The following MB21D2 variants were observed in gnomAD, a reference collection of about 807,000 sequenced individuals.
MB21D2 encodes Mab-21 domain containing 2, also known as nucleotidyltransferase MB21D2.
A neutral mutation model predicts 33.3 loss-of-function variants in MB21D2; 9 were observed. The observed-to-expected ratio is 0.27, with a 90% CI of 0.16 to 0.47. MB21D2 has a LOEUF of 0.47. MB21D2 is among the 20% of genes least tolerant of loss of function. The pLI, the probability that MB21D2 is intolerant of heterozygous loss-of-function variation, is 0.99. For synonymous variants in MB21D2, 241 were observed against 236.3 expected, an observed-to-expected ratio of 1.02 and a Z score of -0.18; for missense variants, 540 against 624.6, an observed-to-expected ratio of 0.86 and a Z score of 1.44.
At position 192,839,853 on chromosome 3, in the gene MB21D2, T is replaced by C. The variant is rs531475207; in HGVS notation, c.212-40203A>G. ...TTTGAGAAAGTTCATTCTCAATTCT[T>C]TTTCAAATCCCTTTCTCATCTTTTC... On this transcript the variant is annotated intron_variant, in intron 1 of 1. Coordinates refer to ENST00000392452, the MANE Select transcript of MB21D2 (RefSeq NM_178496.4). Among the ~76,000 whole-genome samples, 8 of 152,294 alleles carry C rather than the reference T, an allele frequency of 5.3e-5. No individual in the cohort carries two copies. The South Asian group carries it at 1.4e-3, about 28-fold the overall frequency.
At chr3:192,820,593 A>G (rs1468916740) in intron 1 of MB21D2, among the ~76,000 whole-genome samples, 1 of 152,250 alleles carries the variant, frequency 6.6e-6, no homozygotes, top group Non-Finnish European at 1.5e-5. Context: ...TGCTGATGAA[A>G]GCGTCTGCGT....
chr3:192,914,273 T>C (rs959118507), intron 1 of MB21D2, among the ~76,000 whole-genome samples: 2 of 152,178 alleles, frequency 1.3e-5, no homozygotes, highest in Non-Finnish European at 2.9e-5. Flanking sequence ...CTCAAAAGTC[T>C]ATGTGAAGTT....
intron 1 of MB21D2, among the ~76,000 whole-genome samples, chr3:192,902,694 A>G (rs1276007807): frequency 2.0e-5 from 3 of 152,316 alleles, no homozygotes; most frequent in African/African-American, 7.2e-5. Context: ...TTTGAATCCT[A>G]TTACAACACC....
At chr3:192,892,723 G>A (rs1713877935) in intron 1 of MB21D2, among the ~76,000 whole-genome samples, 1 of 152,244 alleles carries the variant, frequency 6.6e-6, no homozygotes, top group Non-Finnish European at 1.5e-5. Context: ...GATTACAGAC[G>A]TGAGCCACCG....
chr3:192,831,318 A>AT (rs977537013), intron 1 of MB21D2, among the ~76,000 whole-genome samples: 40 of 152,262 alleles, frequency 2.6e-4, no homozygotes, highest in African/African-American at 7.9e-4. Flanking sequence ...ATTTTAGATG[A>AT]TTTCAGCCCT....
chr3:192,841,739 G>GAGT (rs1283356789), intron 1 of MB21D2, among the ~76,000 whole-genome samples: 1 of 152,368 alleles, frequency 6.6e-6, no homozygotes, highest in East Asian at 1.9e-4. Context: ...TTACAGTGTG[G>GAGT]AGTAATCTGT....
At chr3:192,905,037 G>C (rs556206905) in intron 1 of MB21D2, among the ~76,000 whole-genome samples, 7 of 152,220 alleles carry the variant, frequency 4.6e-5, no homozygotes, top group Non-Finnish European at 1.0e-4. Flanking sequence ...ACAGTTGAAA[G>C]AACAAACTGT....
chr3:192,804,796 T>C (rs953167159), intron 1 of MB21D2, among the ~76,000 whole-genome samples: 8 of 152,166 alleles, frequency 5.3e-5, no homozygotes, highest in African/African-American at 1.7e-4. Flanking sequence ...TATAAAACCT[T>C]CCTATAAAAA....
chr3:192,874,278 AG>A (rs1713382318), intron 1 of MB21D2, among the ~76,000 whole-genome samples: 2 of 152,226 alleles, frequency 1.3e-5, no homozygotes, highest in South Asian at 4.1e-4. Context: ...GTAAAAAAGA[AG>A]AAAAAGCATT....
Position 192,913,043 on chromosome 3 carries a change from T to C in MB21D2, c.211+4587A>G, listed in dbSNP as rs541894880. On this transcript the variant is annotated intron_variant, in intron 1 of 1. Transcript: ENST00000392452. ...CACATGGTATGAGCCAAAATCCTCC[T>C]GGGCTACCCTAATTGTACTGCATAG... Among the ~76,000 whole-genome samples the C allele has an allele frequency of 2.0e-5, 3 of 152,346 alleles. No individual in the cohort carries two copies. In the East Asian group the frequency reaches 5.8e-4, roughly 29 times the overall value.
At chr3:192,899,822 T>TGTGTGGTAGTGTGGCTGACTGAGCTCAC (rs1714055315) in intron 1 of MB21D2, among the ~76,000 whole-genome samples, 1 of 58,718 alleles carries the variant, frequency 1.7e-5, no homozygotes, top group Non-Finnish European at 3.8e-5. Context: ...GGGCACCTCG[T>TGTGTGGTAGTGTGGCTGACTGAGCTCAC]GTGTGGTAGT....
chr3:192,900,833 C>T (rs1714082935), intron 1 of MB21D2, among the ~76,000 whole-genome samples: 1 of 151,526 alleles, frequency 6.6e-6, no homozygotes. Flanking sequence ...CCCACCTACT[C>T]GGGAGGCTGA....
intron 1 of MB21D2, among the ~76,000 whole-genome samples, chr3:192,869,312 G>C (rs1018193087): frequency 6.3e-5 from 9 of 142,388 alleles, no homozygotes; most frequent in Non-Finnish European, 1.1e-4. Context: ...GAGGGAAGGA[G>C]GGAAGGAGGG....
rs113537307 is a variant in MB21D2 at position 192,882,132 on chromosome 3, A to AT, written c.211+35497dup. On this transcript the variant is annotated intron_variant, in intron 1 of 1. Coordinates refer to ENST00000392452, the MANE Select transcript of MB21D2 (RefSeq NM_178496.4). ...CTTGGCACAAAACTGACATTTAGTA[A>AT]TTTTTTTTTTTAGACGGAGTTTCAC... Among the ~76,000 whole-genome samples, 227 of 148,894 alleles carry AT rather than the reference A, an allele frequency of 1.5e-3. 2 individuals carry two copies. The South Asian group carries it at 0.019, about 12-fold the overall frequency.
In MB21D2 at chr3:192,882,199, C is replaced by T. The variant is rs560674618; in HGVS notation, c.211+35431G>A. On this transcript the variant is annotated intron_variant, in intron 1 of 1. Coordinates refer to ENST00000392452, the MANE Select transcript of MB21D2 (RefSeq NM_178496.4). ...AGAGTGCAATGGCACAATCTTGGCT[C>T]ACTGCAACCTCCACCTCCTGGGTTC... 5.3e-5 allele frequency among the ~76,000 whole-genome samples: 8 copies of T among 152,102 alleles called. No homozygotes were observed. In the East Asian group the frequency reaches 1.6e-3, roughly 30 times the overall value.
At chr3:192,907,891 C>T (rs9870004) in intron 1 of MB21D2, among the ~76,000 whole-genome samples, 59,360 of 151,640 alleles carry the variant, frequency 0.39, 13,911 homozygotes, top group Non-Finnish European at 0.52. Flanking sequence ...GCCAGAGGTC[C>T]GGAAGTACCC....
chr3:192,854,499 G>A (rs879565671), intron 1 of MB21D2, among the ~76,000 whole-genome samples: 8 of 152,212 alleles, frequency 5.3e-5, no homozygotes, highest in Non-Finnish European at 1.0e-4. Context: ...GCAAAGTGAA[G>A]TCACCAGTGC....
chr3:192,886,554 C>T (rs891669818), intron 1 of MB21D2, among the ~76,000 whole-genome samples: 1 of 152,064 alleles, frequency 6.6e-6, no homozygotes, highest in Admixed American at 6.5e-5. Context: ...TTATTCCATT[C>T]CACTCTGCTG....
rs143963827 is a variant in MB21D2 at position 192,841,237 on chromosome 3, C to T, written c.212-41587G>A. Among the ~76,000 whole-genome samples, 83 of 152,378 alleles carry T rather than the reference C, an allele frequency of 5.4e-4. 1 individual carries two copies. The highest frequency in any genetic ancestry group is 2.0e-3 in the African/African-American group (82 of 41,598). ...CCAGGCTAGCTGGCAAAACAGAACA[C>T]ATGCATGCTAAAACAATATAAGGCA... On this transcript the variant is annotated intron_variant, in intron 1 of 1. Transcript: ENST00000392452.
Sources: gnomAD v4.1 joint callset for allele counts (sites outside exome capture counted in the v4.1 genomes callset) on GRCh38, gnomAD v4.1.1 for gene constraint, MANE v1.5 for transcripts, NCBI Gene and HGNC (gene_info 2026-07-23, HGNC 2026-07-21) for gene names.